Variants in PRR16 observed in about 807,000 individuals in gnomAD.
PRR16 encodes protein Largen.
Under a neutral mutation model 18.2 loss-of-function variants are expected in PRR16, and 6 were observed. The ratio of observed to expected loss-of-function variants is 0.33; its 90% confidence interval spans 0.18 to 0.65. PRR16 has a LOEUF of 0.65. PRR16 is among the 30% of genes least tolerant of loss of function. The pLI is 0.74. For missense variants in PRR16, 412 were observed against 376.6 expected, an observed-to-expected ratio of 1.09 and a Z score of -0.78; for synonymous variants, 151 against 147.8, an observed-to-expected ratio of 1.02 and a Z score of -0.16.
chr5:120,785,088 C>T, the PRR16 span, among the ~76,000 whole-genome samples: 4 of 152,332 alleles, frequency 2.6e-5, no homozygotes, highest in East Asian at 7.7e-4. Flanking sequence ...TGAACAATCT[C>T]ACATGACTAC....
chr5:120,693,995 A>G, the PRR16 span, among the ~76,000 whole-genome samples: 49 of 152,268 alleles, frequency 3.2e-4, no homozygotes, highest in Admixed American at 2.1e-3. Flanking sequence ...ATTATCTTCT[A>G]TTACCACCCA....
intron 1 of PRR16, among the ~76,000 whole-genome samples, chr5:120,472,800 T>C (rs894756594): frequency 2.0e-5 from 3 of 152,188 alleles, no homozygotes; most frequent in African/African-American, 7.2e-5. Context: ...GTGGTATATT[T>C]ATAATTCACG....
At chr5:120,496,906 CTT>C (rs1750264067) in intron 1 of PRR16, among the ~76,000 whole-genome samples, 1 of 152,184 alleles carries the variant, frequency 6.6e-6, no homozygotes, top group South Asian at 2.1e-4. Context: ...TGTATTTTCA[CTT>C]TTACACAGTT....
chr5:120,635,166 T>C (rs1043583421), intron 1 of PRR16, among the ~76,000 whole-genome samples: 1 of 152,056 alleles, frequency 6.6e-6, no homozygotes, highest in Non-Finnish European at 1.5e-5. Context: ...GATGAATTCA[T>C]GGCTGAATTC....
chr5:120,718,724 C>T, the PRR16 span, among the ~76,000 whole-genome samples: 1 of 152,124 alleles, frequency 6.6e-6, no homozygotes, highest in South Asian at 2.1e-4. Context: ...GGGGGTGAAC[C>T]TAGAATATAA....
intron 1 of PRR16, among the ~76,000 whole-genome samples, chr5:120,475,040 G>A (rs1281923885): frequency 6.6e-6 from 1 of 151,240 alleles, no homozygotes; most frequent in Non-Finnish European, 1.5e-5. Flanking sequence ...TGATGATGAC[G>A]ATGATGATGA....
chr5:120,726,739 C>T, the PRR16 span, among the ~76,000 whole-genome samples: 2 of 152,050 alleles, frequency 1.3e-5, no homozygotes, highest in African/African-American at 4.8e-5. Flanking sequence ...TCTATTGCCT[C>T]TTCTGACTGA....
intron 1 of PRR16, among the ~76,000 whole-genome samples, chr5:120,488,074 A>G (rs1459791832): frequency 1.3e-5 from 2 of 152,172 alleles, no homozygotes; most frequent in South Asian, 2.1e-4. Context: ...GGATTTTTGC[A>G]TCGATGTTTA....
the PRR16 span, among the ~76,000 whole-genome samples, chr5:120,696,207 A>C: frequency 2.7e-4 from 41 of 152,280 alleles, no homozygotes; most frequent in African/African-American, 8.9e-4. Flanking sequence ...GTGCCACTGC[A>C]CTCCAGCCTG....
chr5:120,785,494 AT>A, the PRR16 span, among the ~76,000 whole-genome samples: 28 of 146,128 alleles, frequency 1.9e-4, no homozygotes, highest in East Asian at 4.9e-3. Context: ...AGTAATTTAT[AT>A]TTTTCTATCA....
intron 1 of PRR16, among the ~76,000 whole-genome samples, chr5:120,614,047 T>C (rs539081862): frequency 1.1e-4 from 17 of 152,316 alleles, no homozygotes; most frequent in African/African-American, 3.8e-4. Flanking sequence ...TGGTAAGTAT[T>C]TGCAGCTTGT....
intron 1 of PRR16, among the ~76,000 whole-genome samples, chr5:120,613,658 A>G (rs1561574414): frequency 6.6e-6 from 1 of 152,178 alleles, no homozygotes; most frequent in Admixed American, 6.5e-5. Context: ...TGGGTCTTCT[A>G]TGCAATTTCA....
At chr5:120,553,308 G>A (rs978226263) in intron 1 of PRR16, among the ~76,000 whole-genome samples, 2 of 151,776 alleles carry the variant, frequency 1.3e-5, no homozygotes, top group African/African-American at 2.4e-5. Context: ...ATGTTACATA[G>A]GAAGGACTGT....
chr5:120,538,637 G>A (rs1441343571), intron 1 of PRR16, among the ~76,000 whole-genome samples: 1 of 152,194 alleles, frequency 6.6e-6, no homozygotes, highest in African/African-American at 2.4e-5. Context: ...AATAAAAGAA[G>A]TACAGGTCTA....
At chr5:120,754,508 A>AAGTATTT in the PRR16 span, among the ~76,000 whole-genome samples, 1 of 69,540 alleles carries the variant, frequency 1.4e-5, no homozygotes, top group Admixed American at 2.6e-4. Context: ...TTTATTATGT[A>AAGTATTT]TATTATATAT....
the PRR16 span, among the ~76,000 whole-genome samples, chr5:120,747,826 A>G: frequency 2.6e-5 from 4 of 152,202 alleles, no homozygotes; most frequent in South Asian, 4.1e-4. Flanking sequence ...ACAGTTCCTG[A>G]TATTTGTAAT....
intron 1 of PRR16, among the ~76,000 whole-genome samples, chr5:120,475,010 G>A (rs1749394398): frequency 6.6e-6 from 1 of 152,148 alleles, no homozygotes; most frequent in South Asian, 2.1e-4. Flanking sequence ...GCTGTCTAGT[G>A]GGGGACAAAT....
intron 1 of PRR16, among the ~76,000 whole-genome samples, chr5:120,538,693 T>C (rs1751809918): frequency 6.6e-6 from 1 of 152,222 alleles, no homozygotes; most frequent in Non-Finnish European, 1.5e-5. Flanking sequence ...TTTGCATTAA[T>C]GTGTTGCAGT....
chr5:120,520,492 G>A (rs776743286), intron 1 of PRR16, among the ~76,000 whole-genome samples: 2 of 152,208 alleles, frequency 1.3e-5, no homozygotes, highest in Non-Finnish European at 2.9e-5. Flanking sequence ...ACAAAGGCAC[G>A]TTTAGGTAGA....
Sources: gnomAD v4.1 joint callset for allele counts (sites outside exome capture counted in the v4.1 genomes callset) on GRCh38, gnomAD v4.1.1 for gene constraint, MANE v1.5 for transcripts, NCBI Gene and HGNC (gene_info 2026-07-23, HGNC 2026-07-21) for gene names.